AKAP12: variants seen among roughly 807,000 people sequenced by gnomAD.
The protein encoded by AKAP12 is A-kinase anchoring protein 12, also known as A-kinase anchor protein 12.
A neutral mutation model predicts 79.9 loss-of-function variants in AKAP12; 32 were observed. The ratio of observed to expected loss-of-function variants is 0.40; its 90% CI spans 0.30 to 0.54. The LOEUF is 0.54. Ranked by LOEUF, AKAP12 falls within the 20% of genes least tolerant of loss-of-function variation. AKAP12 has a pLI of 0.48. For missense variants in AKAP12, 2,074 were observed against 2,177.0 expected (o/e 0.95, Z 0.94); for synonymous variants, 808 against 857.0 (o/e 0.94, Z 1.00).
intron 3 of AKAP12, among the ~76,000 whole-genome samples, chr6:151,327,374 TAATA>T (rs1363039792): frequency 3.3e-5 from 5 of 152,284 alleles, no homozygotes; most frequent in East Asian, 1.9e-4. Context: ...TCGAAACTAT[TAATA>T]AATAGACTGT....
intron 2 of AKAP12, among the ~76,000 whole-genome samples, chr6:151,244,265 C>T (rs546400020): frequency 2.0e-5 from 3 of 152,322 alleles, no homozygotes; most frequent in Admixed American, 1.3e-4. Context: ...TGGCTCACGC[C>T]TGTAATCCCA....
At chr6:151,268,945 GTT>G (rs558502756) in intron 2 of AKAP12, among the ~76,000 whole-genome samples, 1,365 of 76,136 alleles carry the variant, frequency 0.018, 5 homozygotes, top group East Asian at 0.031. Flanking sequence ...TGCTCGGCCT[GTT>G]TTTTTTTTTT....
intron 3 of AKAP12, among the ~76,000 whole-genome samples, chr6:151,321,391 A>G (rs1443980742): frequency 2.6e-5 from 4 of 152,150 alleles, no homozygotes; most frequent in African/African-American, 7.2e-5. Context: ...CTTTATGTCT[A>G]TGGATTCGCC....
intron 2 of AKAP12, among the ~76,000 whole-genome samples, chr6:151,247,402 A>G (rs1562704828): frequency 6.6e-6 from 1 of 152,100 alleles, no homozygotes; most frequent in African/African-American, 2.4e-5. Context: ...CCCTATCTCT[A>G]TTTAAAAAAA....
intron 3 of AKAP12, among the ~76,000 whole-genome samples, chr6:151,306,278 A>G (rs2114757297): frequency 6.6e-6 from 1 of 152,314 alleles, no homozygotes; most frequent in South Asian, 2.1e-4. Context: ...GGCGCATTGC[A>G]AGGCACGTAC....
At position 151,352,918 on chromosome 6, in the gene AKAP12, G is replaced by A. The variant is rs763857948; in HGVS notation, c.4527G>A (p.Lys1509=). Residue 1509 remains lysine (K), a synonymous_variant, in exon 4 of 5, where the codon AAG becomes AAA. Transcript: ENST00000402676. ...DLEGEKTTSL[K]WKSDEVDEQV... ...AAGGAGAGAAAACCACATCACTGAA[G>A]TGGAAGTCAGATGAAGTCGATGAGC... 3.1e-6 allele frequency: 5 copies of A among 1,614,090 alleles called. No individual in the cohort carries two copies. The African/African-American group carries it at 6.7e-5, about 22-fold the overall frequency.
chr6:151,339,891 C>T (rs1777904400), intron 3 of AKAP12, among the ~76,000 whole-genome samples: 1 of 151,958 alleles, frequency 6.6e-6, no homozygotes, highest in Non-Finnish European at 1.5e-5. Flanking sequence ...TTTAAGTTCC[C>T]TCCGTGTATT....
rs542772323 is a variant in AKAP12 at position 151,306,859 on chromosome 6, G to A, written c.319+956G>A. Among the ~76,000 whole-genome samples, 15 of 152,326 alleles carry A rather than the reference G, an allele frequency of 9.8e-5. 1 individual carries two copies. The South Asian group carries it at 3.1e-3, about 32-fold the overall frequency. On this transcript the variant is annotated intron_variant, in intron 3 of 4. Transcript: ENST00000402676. ...ACAGGCGGAGTATTTGCATGACCTA[G>A]TGTGAGAGTTTCAAATAATTTTCAC...
In AKAP12 at chr6:151,350,026, G is replaced by A; in HGVS notation, c.1635G>A (p.Gly545=). 1 of 1,614,084 alleles carries A rather than the reference G, an allele frequency of 6.2e-7. No individual in the cohort carries two copies. Among genetic ancestry groups the A allele is most frequent in the Non-Finnish European group, 8.5e-7 (1 of 1,180,018 alleles). The part of the protein sequence containing the change: ...GKRGGGDEES[G]EHTQVPADSP... ...GAGGAGGAGGAGACGAGGAATCAGG[G>A]GAGCACACTCAGGTTCCAGCCGATT... Residue 545 remains glycine (G), a synonymous_variant, in exon 4 of 5, where the codon GGG becomes GGA. Transcript: ENST00000402676. The surrounding 1 kb of genome is among the most constrained non-coding windows in gnomAD (Gnocchi z 4.8).
rs62620007 is a variant in AKAP12 at position 151,348,900 on chromosome 6, T to C, written c.509T>C (p.Ile170Thr). 526 of 1,613,968 alleles carry C rather than the reference T, an allele frequency of 3.3e-4. 7 individuals are homozygous for C. In the African/African-American group the frequency reaches 6.4e-3, roughly 20 times the overall value. Residue 170 changes from isoleucine to threonine, a missense_variant, in exon 4 of 5, where the codon ATT (isoleucine) becomes ACT (threonine). Transcript: ENST00000402676. The part of the protein sequence containing the change: ...TQPTESQAND[I>T]GFKKVFKFVG... Reference sequence around the variant, plus strand: ...CCCACTGAGTCCCAGGCTAATGATATTGGATTTAAGAAGGTGTTTAAGTTT... The same window carrying C: ...CCCACTGAGTCCCAGGCTAATGATACTGGATTTAAGAAGGTGTTTAAGTTT...
At chr6:151,326,385 T>G (rs1777526764) in intron 3 of AKAP12, among the ~76,000 whole-genome samples, 1 of 151,868 alleles carries the variant, frequency 6.6e-6, no homozygotes, top group Non-Finnish European at 1.5e-5. Flanking sequence ...CTTGGTGGTT[T>G]AGGGGACTAA....
chr6:151,323,866 C>T (rs545658275), intron 3 of AKAP12: 6 of 985,388 alleles, frequency 6.1e-6, no homozygotes, highest in African/African-American at 1.7e-5. Flanking sequence ...TGTCCCCAAC[C>T]ACTGGTGCTG....
chr6:151,248,034 A>G (rs1177178152), intron 2 of AKAP12, among the ~76,000 whole-genome samples: 6 of 151,160 alleles, frequency 4.0e-5, no homozygotes, highest in African/African-American at 1.2e-4. Context: ...TGATTTCAAA[A>G]CGAAATAAAC....
Position 151,350,524 on chromosome 6 carries a change from C to T in AKAP12, c.2133C>T (p.His711=). Reference sequence around the variant, plus strand: ...GACCAAAAGCAATGGGAGGAGACCACCAGAAAGCTGATGAGGCCGGAAAAG... The same window carrying T: ...GACCAAAAGCAATGGGAGGAGACCATCAGAAAGCTGATGAGGCCGGAAAAG... The part of the protein sequence containing the change: ...EGGPKAMGGD[H]QKADEAGKDK... The change falls in exon 4 of 5, where the codon CAC becomes CAT. Residue 711 remains histidine (H), a synonymous_variant. Transcript: ENST00000402676. The surrounding 1 kb of genome is among the most constrained non-coding windows in gnomAD (Gnocchi z 4.8). 1 of 1,614,032 alleles carries T rather than the reference C, an allele frequency of 6.2e-7. No individual in the cohort carries two copies. The highest frequency in any genetic ancestry group is 8.5e-7 in the Non-Finnish European group (1 of 1,180,010).
chr6:151,317,287 C>A (rs1308605021), intron 3 of AKAP12, among the ~76,000 whole-genome samples: 1 of 152,210 alleles, frequency 6.6e-6, no homozygotes, highest in African/African-American at 2.4e-5. Context: ...ATGCCTCCCT[C>A]CAACTGCTCT....
chr6:151,264,749 C>CTTT, intron 2 of AKAP12, among the ~76,000 whole-genome samples: 1 of 151,704 alleles, frequency 6.6e-6, no homozygotes, highest in Non-Finnish European at 1.5e-5. Flanking sequence ...GGTAATATAT[C>CTTT]TGTAATGTTT....
At chr6:151,292,998 A>T (rs1431617420) in intron 2 of AKAP12, among the ~76,000 whole-genome samples, 1 of 152,190 alleles carries the variant, frequency 6.6e-6, no homozygotes, top group African/African-American at 2.4e-5. Flanking sequence ...TAGAAGAAGT[A>T]ATATTAGCCT....
At chr6:151,270,577 C>A (rs1442826610) in intron 2 of AKAP12, among the ~76,000 whole-genome samples, 1 of 152,120 alleles carries the variant, frequency 6.6e-6, no homozygotes, top group African/African-American at 2.4e-5. Flanking sequence ...GTATGTTAAC[C>A]CTTTGTTTAA....
At chr6:151,329,602 G>A (rs964883891) in intron 3 of AKAP12, among the ~76,000 whole-genome samples, 1 of 152,110 alleles carries the variant, frequency 6.6e-6, no homozygotes, top group African/African-American at 2.4e-5. Flanking sequence ...TGCACTTTCC[G>A]ATGCAAATAA....
Sources: allele counts gnomAD v4.1 joint callset (sites outside exome capture counted in the v4.1 genomes callset), GRCh38; gene constraint gnomAD v4.1.1; non-coding constraint Gnocchi (gnomAD v3.1); transcripts MANE v1.5; gene names NCBI Gene and HGNC (gene_info 2026-07-23, HGNC 2026-07-21).